PSME4: variants seen among roughly 807,000 people sequenced by gnomAD.
PSME4 encodes the protein proteasome activator complex subunit 4.
A neutral mutation model predicts 253.9 loss-of-function variants in PSME4; 89 were observed. The observed-to-expected ratio is 0.35, with a 90% CI of 0.30 to 0.42. The LOEUF (loss-of-function observed/expected upper bound fraction) is 0.42, where lower values mean the gene tolerates loss of function less well. Ranked by LOEUF, PSME4 falls within the 10% of genes least tolerant of loss-of-function variation. The probability of loss-of-function intolerance (pLI) is 1.00; values close to 1 mark genes in which losing one functional copy is unlikely to be tolerated. For synonymous variants in PSME4, 851 were observed against 759.2 expected (o/e 1.12, Z -1.99); for missense variants, 2,014 against 2,195.2 (o/e 0.92, Z 1.65).
intron 8 of PSME4, among the ~76,000 whole-genome samples, chr2:53,934,152 A>C (rs1007382195): frequency 6.6e-6 from 1 of 152,184 alleles, no homozygotes; most frequent in Non-Finnish European, 1.5e-5. Context: ...ACTTTCCTTT[A>C]ATGATGTCAA....
intron 1 of PSME4, among the ~76,000 whole-genome samples, chr2:53,960,664 T>A (rs1043083540): frequency 1.3e-5 from 2 of 152,194 alleles, no homozygotes; most frequent in Non-Finnish European, 1.5e-5. Flanking sequence ...TTAATCTCCA[T>A]AAAATCTGGC....
At chr2:53,922,967 T>C in intron 16 of PSME4, 82 bp downstream of exon 16, 3 of 1,106,462 alleles carry the variant, frequency 2.7e-6, no homozygotes. Flanking sequence ...TAAAGGAATC[T>C]GTTGTCATTA....
In PSME4 at chr2:53,942,199, C is replaced by A. The variant is rs115070475; in HGVS notation, c.501-2199G>T. On this transcript the variant is annotated intron_variant, in intron 3 of 46. Coordinates refer to ENST00000404125, the MANE Select transcript of PSME4 (RefSeq NM_014614.3). ...AGTGACCTTTTGTGATTCTTGTAATCTCTCAAGATGAAGGGAACAATGTTT... is the reference window on the plus strand; with the variant it reads ...AGTGACCTTTTGTGATTCTTGTAATATCTCAAGATGAAGGGAACAATGTTT... 598 of 152,594 alleles carry A rather than the reference C, an allele frequency of 3.9e-3. 2 individuals are homozygous for A. The highest frequency in any genetic ancestry group is 7.0e-3 in the Non-Finnish European group (479 of 67,976). The allele number at this position is 152,594 out of a possible 1,614,324, so 9.5% of individuals were successfully genotyped here.
chr2:53,944,034 G>A (rs972214992), intron 3 of PSME4, among the ~76,000 whole-genome samples: 9 of 152,082 alleles, frequency 5.9e-5, no homozygotes, highest in Non-Finnish European at 1.0e-4. Flanking sequence ...ATGACAATAA[G>A]CCTGATCAAC....
rs182716200 is a variant in PSME4, at chr2:53,936,747, G to C, written c.759+17C>G. On this transcript the variant is annotated intron_variant, in intron 6 of 46. Transcript: ENST00000404125. ...AAAAAACTATAGGGGGGAAGAAAGG[G>C]AAAAAGGGATACTTACCCCCTCCCA... 10,963 of 1,539,514 alleles carry C rather than the reference G, an allele frequency of 7.1e-3. 59 individuals are homozygous for C. The highest frequency in any genetic ancestry group is 8.3e-3 in the Non-Finnish European group (9,490 of 1,141,730).
Position 53,901,361 on chromosome 2 carries a change from A to G in PSME4, c.3274T>C (p.Leu1092=). Residue 1092 remains leucine, a synonymous_variant, in exon 28 of 47, where the codon TTG becomes CTG. Coordinates refer to ENST00000404125, the MANE Select transcript of PSME4 (RefSeq NM_014614.3). ...KIHRQYETIG[L]DFTIPKSCVE... ...ATGATATTGCTTACTGTGAAGTCCA[A>G]GCCAATTGTTTCATACTGCCTATGA... The G allele has an allele frequency of 6.2e-7, 1 of 1,612,610 alleles. No homozygotes were observed. Among genetic ancestry groups the G allele is most frequent in the East Asian group, 2.2e-5 (1 of 44,890 alleles).
chr2:53,871,296 G>C (rs575291568), intron 43 of PSME4, among the ~76,000 whole-genome samples: 1 of 152,000 alleles, frequency 6.6e-6, no homozygotes. Context: ...CTGTCACCAG[G>C]ATGGAGTGCA....
Position 53,957,530 on chromosome 2 carries a change from C to A in PSME4, c.243-8247G>T, listed in dbSNP as rs1048181959. The stretch of plus-strand genomic sequence containing the variant: ...ATTGTGCTCCTAAGACAATCTAATG[C>A]CACCACTGATCTGAGAGGAGGCAGA... On this transcript the variant is annotated intron_variant, in intron 1 of 46. Coordinates refer to ENST00000404125, the MANE Select transcript of PSME4 (RefSeq NM_014614.3). 2.6e-5 allele frequency among the ~76,000 whole-genome samples: 4 copies of A among 152,178 alleles called. No homozygotes were observed. The East Asian group carries it at 7.7e-4, about 29-fold the overall frequency.
intron 1 of PSME4, among the ~76,000 whole-genome samples, chr2:53,954,186 G>A (rs190647898): frequency 1.3e-5 from 2 of 152,134 alleles, no homozygotes; most frequent in East Asian, 1.9e-4. Context: ...AAATTAGCCG[G>A]GTGTGGCGGC....
At chr2:53,948,371 TAA>T (rs1558420849) in intron 3 of PSME4, 48 bp downstream of exon 3, 2 of 1,213,386 alleles carry the variant, frequency 1.6e-6, no homozygotes, top group Non-Finnish European at 2.4e-6. Context: ...ATCACCCCCC[TAA>T]AAAACCCCAA....
intron 20 of PSME4, 39 bp from the exon 21 acceptor site, chr2:53,910,169 C>T: frequency 6.6e-7 from 1 of 1,506,478 alleles, no homozygotes; most frequent in Admixed American, 1.7e-5. Context: ...ATTAATAATA[C>T]CAATATGAAG....
chr2:53,966,119 T>C (rs1332335422), intron 1 of PSME4, among the ~76,000 whole-genome samples: 1 of 151,960 alleles, frequency 6.6e-6, no homozygotes, highest in Non-Finnish European at 1.5e-5. Context: ...ACCCCCTCTC[T>C]AATAAAAATA....
At chr2:53,966,781 C>A (rs1055788435) in intron 1 of PSME4, among the ~76,000 whole-genome samples, 4 of 152,066 alleles carry the variant, frequency 2.6e-5, no homozygotes, top group African/African-American at 2.4e-5. Flanking sequence ...CTCACTGCAA[C>A]CTCCACCTCC....
At chr2:53,950,786 A>G (rs1669942892) in intron 1 of PSME4, among the ~76,000 whole-genome samples, 1 of 150,212 alleles carries the variant, frequency 6.7e-6, no homozygotes, top group South Asian at 2.1e-4. Context: ...GGTTGCGGTG[A>G]GCCAAGAGTG....
At chr2:53,943,083 A>T (rs1669526893) in intron 3 of PSME4, among the ~76,000 whole-genome samples, 1 of 152,248 alleles carries the variant, frequency 6.6e-6, no homozygotes, top group Non-Finnish European at 1.5e-5. Flanking sequence ...CCTTGGCTCT[A>T]CCAGGACAAT....
At chr2:53,902,421 C>T (rs1345922904) in intron 27 of PSME4, among the ~76,000 whole-genome samples, 1 of 152,166 alleles carries the variant, frequency 6.6e-6, no homozygotes, top group African/African-American at 2.4e-5. Context: ...AAAGTTTTTA[C>T]TATCAAAACT....
At chr2:53,928,077 C>T in intron 11 of PSME4, 40 bp downstream of exon 11, 1 of 1,500,182 alleles carries the variant, frequency 6.7e-7, no homozygotes, top group African/African-American at 1.4e-5. Flanking sequence ...TACTTTGCCT[C>T]CTACCTAAAT....
chr2:53,908,194 A>G, intron 24 of PSME4, 126 bp downstream of exon 24: 1 of 678,540 alleles, frequency 1.5e-6, no homozygotes, highest in African/African-American at 1.8e-5. Flanking sequence ...TAACTTTTAC[A>G]TACTTTTAAA....
At chr2:53,919,052 G>A (rs1668184550) in intron 20 of PSME4, 99 bp downstream of exon 20, 1 of 1,175,976 alleles carries the variant, frequency 8.5e-7, no homozygotes, top group Non-Finnish European at 1.2e-6. Flanking sequence ...AGGTTAAAGT[G>A]ATACAGAAAT....
Sources: gnomAD v4.1 joint callset for allele counts (sites outside exome capture counted in the v4.1 genomes callset) on GRCh38, gnomAD v4.1.1 for gene constraint, MANE v1.5 for transcripts, NCBI Gene and HGNC (gene_info 2026-07-23, HGNC 2026-07-21) for gene names.